EGLN3: variants seen among roughly 807,000 people sequenced by gnomAD.
The protein encoded by EGLN3 is prolyl hydroxylase EGLN3.
In EGLN3, 15 loss-of-function variants were observed where a neutral mutation model predicts 26.0. That is an observed-to-expected ratio of 0.58 (90% CI 0.39 to 0.89). EGLN3 has a LOEUF of 0.89. Among genes scored for constraint, EGLN3 ranks in the 40% least tolerant of loss-of-function variants. The probability of loss-of-function intolerance (pLI) is 0.00; values close to 1 mark genes in which losing one functional copy is unlikely to be tolerated. For missense variants in EGLN3, 238 were observed against 311.6 expected, an observed-to-expected ratio of 0.76 and a Z score of 1.78; for synonymous variants, 147 against 127.2, an observed-to-expected ratio of 1.16 and a Z score of -1.05.
intron 4 of EGLN3, among the ~76,000 whole-genome samples, chr14:33,926,503 T>A (rs755796976): frequency 6.6e-6 from 1 of 152,220 alleles, no homozygotes; most frequent in Non-Finnish European, 1.5e-5. Flanking sequence ...TGCTGCCTTC[T>A]AATACTGGTT....
At chr14:33,932,699 C>T (rs1412409164) in intron 1 of EGLN3, among the ~76,000 whole-genome samples, 1 of 152,180 alleles carries the variant, frequency 6.6e-6, no homozygotes, top group Admixed American at 6.6e-5. Flanking sequence ...GTGATGTCAT[C>T]CTTAGAGCTC....
In EGLN3 at chr14:33,929,198, G is replaced by A. The variant is rs765883949; in HGVS notation, c.492C>T (p.Ile164=). 6.2e-7 allele frequency: 1 copy of A among 1,614,092 alleles called. No homozygotes were observed. Among genetic ancestry groups the A allele is most frequent in the African/African-American group, 1.3e-5 (1 of 75,026 alleles). The change falls in exon 3 of 5, where the codon ATC becomes ATT. Residue 164 remains isoleucine (I), a synonymous_variant. Transcript: ENST00000250457. ...ATTTCCCCTCTGGAAATATCCGCAG[G>A]ATCCCACCATGTAGCTGAAAGACAC... The part of the protein sequence containing the change: ...KNWDAKLHGG[I]LRIFPEGKSF...
At chr14:33,939,193 C>G (rs2064463458) in intron 1 of EGLN3, among the ~76,000 whole-genome samples, 1 of 150,732 alleles carries the variant, frequency 6.6e-6, no homozygotes, top group Non-Finnish European at 1.5e-5. Flanking sequence ...ATGAAAAATG[C>G]CTTGAAACAA....
chr14:33,935,616 C>G (rs201324138), intron 1 of EGLN3, among the ~76,000 whole-genome samples: 3 of 139,468 alleles, frequency 2.2e-5, no homozygotes, highest in African/African-American at 8.2e-5. Flanking sequence ...CACACACACA[C>G]ACACATATAT....
intron 1 of EGLN3, among the ~76,000 whole-genome samples, chr14:33,943,034 C>T (rs149244179): frequency 6.6e-6 from 1 of 152,246 alleles, no homozygotes; most frequent in African/African-American, 2.4e-5. Flanking sequence ...AAAACGTAGT[C>T]ACTACAGACT....
chr14:33,935,586 TACACACACAC>T lies in EGLN3; in HGVS notation c.358-4381_358-4372del, dbSNP rs34931469. ...TTTTTTAATCAGGGCTATAAATAAA[TACACACACAC>T]ACACACACACACACACACACACACA... On this transcript the variant is annotated intron_variant, in intron 1 of 4. Coordinates refer to ENST00000250457, the MANE Select transcript of EGLN3 (RefSeq NM_022073.4). Among the ~76,000 whole-genome samples, 79 of 146,904 alleles carry T rather than the reference TACACACACAC, an allele frequency of 5.4e-4. No individual in the cohort carries two copies. In the South Asian group the frequency reaches 6.7e-3, roughly 12 times the overall value.
chr14:33,934,408 G>A (rs1468767200), intron 1 of EGLN3, among the ~76,000 whole-genome samples: 1 of 148,260 alleles, frequency 6.7e-6, no homozygotes, highest in Non-Finnish European at 1.5e-5. Context: ...GTCCCCAAAT[G>A]CCACAGGTGG....
chr14:33,941,819 T>G (rs1044595186), intron 1 of EGLN3, among the ~76,000 whole-genome samples: 1 of 152,074 alleles, frequency 6.6e-6, no homozygotes, highest in African/African-American at 2.4e-5. Context: ...AAGGGAAGAC[T>G]TCAGGGAACA....
intron 1 of EGLN3, among the ~76,000 whole-genome samples, chr14:33,939,484 G>A (rs1209305713): frequency 1.3e-5 from 2 of 150,538 alleles, no homozygotes; most frequent in South Asian, 4.2e-4. Context: ...TGCTGGGATT[G>A]CAGGCGTGAG....
chr14:33,926,660 A>T (rs1400338113), intron 4 of EGLN3, among the ~76,000 whole-genome samples: 1 of 152,226 alleles, frequency 6.6e-6, no homozygotes, highest in African/African-American at 2.4e-5. Context: ...GCCAAAAATC[A>T]TGGGCAAAAT....
At position 33,925,918 on chromosome 14, in the gene EGLN3, T is replaced by C; in HGVS notation, c.693A>G (p.Lys231=). The C allele has an allele frequency of 6.2e-7, 1 of 1,605,442 alleles. No homozygotes were observed. The highest frequency in any genetic ancestry group is 1.1e-5 in the South Asian group (1 of 90,804). Residue 231 remains lysine, a synonymous_variant, in exon 5 of 5, where the codon AAA becomes AAG. Transcript: ENST00000250457. ...AGTCTTCAGTGAGGGCAGATTCAGT[T>C]TTCCCTGGGTTGGGGACAGAAAGGA... The part of the protein sequence containing the change: ...AKKKFRNLTR[K]TESALTED
In EGLN3 at chr14:33,950,633, G is replaced by A; in HGVS notation, c.120C>T (p.Gly40=). Residue 40 remains glycine, a synonymous_variant, in exon 1 of 5, where the codon GGC becomes GGT. Coordinates refer to ENST00000250457, the MANE Select transcript of EGLN3 (RefSeq NM_022073.4). ...YLDNFLGEVV[G]DCVLERVKQL... ...GCTTGACGCGCTCCAGGACGCAGTC[G>A]CCCACCACCTCGCCCAGGAAGTTGT... is the stretch of plus-strand genomic sequence containing the variant. 1.2e-6 allele frequency: 2 copies of A among 1,613,890 alleles called. No individual in the cohort carries two copies. The highest frequency in any genetic ancestry group is 1.7e-6 in the Non-Finnish European group (2 of 1,179,948).
intron 1 of EGLN3, chr14:33,950,133 G>T: frequency 1.7e-6 from 1 of 594,642 alleles, no homozygotes; most frequent in South Asian, 2.1e-5. Flanking sequence ...CAGCTTGTCT[G>T]GCTTTTGTCA....
At chr14:33,926,095 A>G (rs1382567600) in intron 4 of EGLN3, among the ~76,000 whole-genome samples, 173 bp from the exon 5 acceptor site, 2 of 152,218 alleles carry the variant, frequency 1.3e-5, no homozygotes, top group African/African-American at 4.8e-5. Flanking sequence ...TCTTTCCCAT[A>G]TGCCTCACAG....
chr14:33,951,039 G>A lies in EGLN3; in HGVS notation c.-287C>T. 4 of 391,852 alleles carry A rather than the reference G, an allele frequency of 1.0e-5. No homozygotes were observed. The highest frequency in any genetic ancestry group is 4.2e-5 in the Admixed American group (1 of 24,078). The allele number at this position is 391,852 out of a possible 1,614,324, so 24.3% of individuals were successfully genotyped here. A position where few individuals can be genotyped will look rare whatever the true frequency, so the allele number is the denominator to read the frequency against. ...GCAAGGAGTCGGAGGGCGCCTTTTG[G>A]GGATGGGAAGCCACCACTGCCGCGA... On this transcript the variant is annotated 5_prime_UTR_variant, in exon 1 of 5. Coordinates refer to ENST00000250457, the MANE Select transcript of EGLN3 (RefSeq NM_022073.4).
chr14:33,931,229 C>A lies in EGLN3; in HGVS notation c.358-14G>T. ...AGCCACCATTGCCTATGGAGAAATCCCAAGAAAGCTGGTTAACAAAGCTGA... is the reference window on the plus strand; with the variant it reads ...AGCCACCATTGCCTATGGAGAAATCACAAGAAAGCTGGTTAACAAAGCTGA... On this transcript the variant is annotated splice_polypyrimidine_tract_variant and intron_variant, in intron 1 of 4. Coordinates refer to ENST00000250457, the MANE Select transcript of EGLN3 (RefSeq NM_022073.4). 1 of 1,614,014 alleles carries A rather than the reference C, an allele frequency of 6.2e-7. No homozygotes were observed. Among genetic ancestry groups the A allele is most frequent in the South Asian group, 1.1e-5 (1 of 91,044 alleles).
At chr14:33,931,360 G>A (rs754229849) in intron 1 of EGLN3, 145 bp from the exon 2 acceptor site, 3 of 1,269,608 alleles carry the variant, frequency 2.4e-6, no homozygotes, top group African/African-American at 3.0e-5. Context: ...TTCATGTATG[G>A]TACATAAATT....
chr14:33,939,227 T>C (rs2064464398), intron 1 of EGLN3, among the ~76,000 whole-genome samples: 1 of 152,196 alleles, frequency 6.6e-6, no homozygotes, highest in South Asian at 2.1e-4. Flanking sequence ...TTTTTCTTTT[T>C]TGAGACGGAG....
chr14:33,942,058 G>A (rs1938707621), intron 1 of EGLN3, among the ~76,000 whole-genome samples: 1 of 152,094 alleles, frequency 6.6e-6, no homozygotes, highest in African/African-American at 2.4e-5. Flanking sequence ...GAAGGAGCAT[G>A]GTTGGATTTT....
Sources: gnomAD v4.1 joint callset for allele counts (sites outside exome capture counted in the v4.1 genomes callset) on GRCh38, gnomAD v4.1.1 for gene constraint, MANE v1.5 for transcripts, NCBI Gene and HGNC (gene_info 2026-07-23, HGNC 2026-07-21) for gene names.